SPON1: variants seen among roughly 807,000 people sequenced by gnomAD.
SPON1 encodes the protein spondin-1.
SPON1 carries 52 observed loss-of-function variants against 111.7 expected under a neutral mutation model. The ratio of observed to expected loss-of-function variants is 0.47; its 90% CI spans 0.37 to 0.59. The LOEUF is 0.59. Among genes scored for constraint, SPON1 ranks in the 20% least tolerant of loss-of-function variants. The pLI is 0.00. For missense variants in SPON1, 957 were observed against 1,068.5 expected, an observed-to-expected ratio of 0.90 and a Z score of 1.46; for synonymous variants, 410 against 395.8, an observed-to-expected ratio of 1.04 and a Z score of -0.43.
chr11:14,071,977 G>T (rs1848880764), intron 3 of SPON1, among the ~76,000 whole-genome samples: 1 of 152,162 alleles, frequency 6.6e-6, no homozygotes, highest in African/African-American at 2.4e-5. Flanking sequence ...GGGATTACTG[G>T]TGTGAGCCAC....
intron 6 of SPON1, among the ~76,000 whole-genome samples, chr11:14,168,474 T>C (rs782128113): frequency 4.6e-5 from 7 of 152,190 alleles, no homozygotes; most frequent in Non-Finnish European, 8.8e-5. Flanking sequence ...AGACAGAAGA[T>C]TCAATGCTTG....
chr11:14,173,868 G>A (rs1848140117), intron 6 of SPON1, among the ~76,000 whole-genome samples: 1 of 150,774 alleles, frequency 6.6e-6, no homozygotes, highest in Non-Finnish European at 1.5e-5. Flanking sequence ...TCTCAGAGGA[G>A]CACCTGGCCG....
intron 6 of SPON1, among the ~76,000 whole-genome samples, chr11:14,162,585 A>G (rs782410380): frequency 6.6e-6 from 1 of 152,230 alleles, no homozygotes; most frequent in Non-Finnish European, 1.5e-5. Flanking sequence ...AATCTTTTAC[A>G]GATATCTTGC....
chr11:14,120,644 G>A (rs1849297963), intron 5 of SPON1, among the ~76,000 whole-genome samples: 1 of 152,100 alleles, frequency 6.6e-6, no homozygotes, highest in South Asian at 2.1e-4. Context: ...AATGCTTGCT[G>A]TCCTCTAAGA....
chr11:14,133,891 G>A (rs1554927778), intron 5 of SPON1, among the ~76,000 whole-genome samples: 4 of 152,180 alleles, frequency 2.6e-5, no homozygotes, highest in Non-Finnish European at 5.9e-5. Context: ...TCCTCTGCCT[G>A]GGGTGGGCCG....
chr11:14,054,401 G>C (rs939280619), intron 3 of SPON1, among the ~76,000 whole-genome samples: 28 of 152,130 alleles, frequency 1.8e-4, no homozygotes, highest in South Asian at 4.1e-4. Flanking sequence ...AGGAGAAAGA[G>C]GGGGAAGCAG....
intron 6 of SPON1, among the ~76,000 whole-genome samples, chr11:14,195,108 CAGAA>C (rs1554934934): frequency 6.6e-6 from 1 of 152,126 alleles, no homozygotes; most frequent in South Asian, 2.1e-4. Context: ...ACTAAGTAGC[CAGAA>C]AGAATGTCTT....
chr11:14,005,614 T>C (rs1185122417), intron 2 of SPON1, among the ~76,000 whole-genome samples: 1 of 152,262 alleles, frequency 6.6e-6, no homozygotes, highest in East Asian at 1.9e-4. Flanking sequence ...CTACTCTTGC[T>C]GTGTAACTTT....
At chr11:13,980,591 G>A (rs1306612527) in intron 1 of SPON1, among the ~76,000 whole-genome samples, 3 of 151,704 alleles carry the variant, frequency 2.0e-5, no homozygotes, top group Non-Finnish European at 4.4e-5. Flanking sequence ...TGTGCACAAC[G>A]TGCAGGTTTG....
chr11:13,970,637 C>A (rs1554908500), intron 1 of SPON1, among the ~76,000 whole-genome samples: 6 of 152,122 alleles, frequency 3.9e-5, no homozygotes. Context: ...CTCCTGCCAA[C>A]ACTATCCTTT....
chr11:14,085,342 T>C (rs1848997828), intron 5 of SPON1, among the ~76,000 whole-genome samples: 1 of 152,198 alleles, frequency 6.6e-6, no homozygotes, highest in African/African-American at 2.4e-5. Flanking sequence ...TAAGGAAGGG[T>C]CCAGTTTCTG....
At chr11:14,141,029 CAT>C (rs1847650131) in intron 6 of SPON1, among the ~76,000 whole-genome samples, 117 of 131,976 alleles carry the variant, frequency 8.9e-4, no homozygotes, top group East Asian at 2.3e-3. Context: ...GTGCCCCCCC[CAT>C]GCCCCACTTC....
At chr11:14,062,578 T>C (rs1848799559) in intron 3 of SPON1, among the ~76,000 whole-genome samples, 1 of 152,124 alleles carries the variant, frequency 6.6e-6, no homozygotes, top group Admixed American at 6.5e-5. Flanking sequence ...GGAGAGTGAA[T>C]TGTAGATTTT....
intron 3 of SPON1, among the ~76,000 whole-genome samples, chr11:14,060,372 G>C (rs529659716): frequency 6.6e-5 from 10 of 152,188 alleles, no homozygotes; most frequent in Non-Finnish European, 1.5e-4. Context: ...CAAATGGAAG[G>C]CAGGAGAGCC....
chr11:14,013,950 G>T (rs1848424816), intron 2 of SPON1, among the ~76,000 whole-genome samples: 1 of 152,174 alleles, frequency 6.6e-6, no homozygotes, highest in Admixed American at 6.5e-5. Flanking sequence ...GTCAAAGCCT[G>T]TTTCCATTAT....
chr11:14,084,214 G>T (rs1314726331), intron 5 of SPON1, among the ~76,000 whole-genome samples: 1 of 151,958 alleles, frequency 6.6e-6, no homozygotes, highest in Non-Finnish European at 1.5e-5. Flanking sequence ...GTGCCATGGT[G>T]GTTTTGCCGC....
intron 2 of SPON1, among the ~76,000 whole-genome samples, chr11:14,001,952 T>G (rs531004749): frequency 6.6e-6 from 1 of 152,290 alleles, no homozygotes; most frequent in East Asian, 1.9e-4. Context: ...ATAATTACTA[T>G]TATTAATTGA....
At chr11:14,153,343 G>C (rs7130865) in intron 6 of SPON1, among the ~76,000 whole-genome samples, 2 of 151,948 alleles carry the variant, frequency 1.3e-5, no homozygotes, top group African/African-American at 4.8e-5. Context: ...GGTTCCACAG[G>C]CTGTAAAGGA....
Position 14,133,603 on chromosome 11 carries a change from G to T in SPON1, c.677-1817G>T, listed in dbSNP as rs78523387. ...AACAAGGAGTATTTTGGTGGAGAAG[G>T]GCAGGGAGAGCAAGAGTTTCTGAAG... is the stretch of plus-strand genomic sequence containing the variant. On this transcript the variant is annotated intron_variant, in intron 5 of 15. Transcript: ENST00000576479. 5.3e-4 allele frequency among the ~76,000 whole-genome samples: 81 copies of T among 152,278 alleles called. 2 individuals are homozygous for T. The highest frequency in any genetic ancestry group is 8.3e-4 in the South Asian group (4 of 4,822).
Sources: allele counts gnomAD v4.1 joint callset (sites outside exome capture counted in the v4.1 genomes callset), GRCh38; gene constraint gnomAD v4.1.1; transcripts MANE v1.5; gene names NCBI Gene and HGNC (gene_info 2026-07-23, HGNC 2026-07-21).